Variants in ROS1 observed in about 807,000 individuals in gnomAD.
The protein encoded by ROS1 is proto-oncogene tyrosine-protein kinase ROS.
Under a neutral mutation model 273.5 loss-of-function variants are expected in ROS1, and 263 were observed. That is an observed-to-expected ratio of 0.96 (90% CI 0.87 to 1.06). The LOEUF is 1.06. Ranked by LOEUF, ROS1 falls within the 50% of genes least tolerant of loss-of-function variation. The pLI is 0.00. For synonymous variants in ROS1, 1,008 were observed against 954.1 expected (o/e 1.06, Z -1.04); for missense variants, 2,833 against 2,751.1 (o/e 1.03, Z -0.67).
In ROS1 at chr6:117,340,771, C is replaced by T. The variant is rs111590049; in HGVS notation, c.5061+364G>A. Among the ~76,000 whole-genome samples the T allele has an allele frequency of 6.7e-3, 1,019 of 152,142 alleles. 7 individuals carry two copies. Among genetic ancestry groups the T allele is most frequent in the African/African-American group, 0.023 (940 of 41,526 alleles). ...AAAATGATGAAAGAACATTTCTAAA[C>T]AAGGTTTTGGTTTTTTCTTTCTTCA... On this transcript the variant is annotated intron_variant, in intron 31 of 43. Transcript: ENST00000368507.
In ROS1 at chr6:117,365,741, C is replaced by A. The variant is rs2128661290; in HGVS notation, c.2798G>T (p.Gly933Val). Residue 933 changes from glycine to valine, a missense_variant and splice_region_variant, in exon 20 of 44, where the codon GGG becomes GTG. By Grantham distance (109) the Gly-to-Val change is moderately radical. Coordinates refer to ENST00000368507, the MANE Select transcript of ROS1 (RefSeq NM_001378902.1). ...AACCTTAGGGGTAAAGGAAAAGTTCCCTACAGGATGAAACAAAAAAAAGAA... is the reference window on the plus strand; with the variant it reads ...AACCTTAGGGGTAAAGGAAAAGTTCACTACAGGATGAAACAAAAAAAAGAA... ...IIQTSLKPLPGNFSFTPKVIP... is the reference protein window; with the variant it reads ...IIQTSLKPLPVNFSFTPKVIP... The A allele has an allele frequency of 6.5e-7, 1 of 1,542,774 alleles. No individual in the cohort carries two copies. Among genetic ancestry groups the A allele is most frequent in the South Asian group, 1.3e-5 (1 of 77,998 alleles).
In ROS1 at chr6:117,414,553, G is replaced by GA. The variant is rs3836983; in HGVS notation, c.229-9dup. Reference sequence around the variant, plus strand: ...GGTGGCATAAGTATCATTCTGCATAGAAAAAAAAAAAGACTACTTAAAATC... The same window carrying GA: ...GGTGGCATAAGTATCATTCTGCATAGAAAAAAAAAAAAGACTACTTAAAATC... On this transcript the variant is annotated splice_polypyrimidine_tract_variant and intron_variant, in intron 3 of 43. Transcript: ENST00000368507. 0.016 allele frequency: 8,888 copies of GA among 546,932 alleles called. 1 individual carries two copies. The highest frequency in any genetic ancestry group is 0.026 in the South Asian group (1,225 of 46,238). The allele number at this position is 546,932 out of a possible 1,614,324, so 33.9% of individuals were successfully genotyped here. A position where few individuals can be genotyped will look rare whatever the true frequency, so the allele number is the denominator to read the frequency against.
chr6:117,382,982 A>C (rs1772274521), intron 17 of ROS1, among the ~76,000 whole-genome samples: 1 of 152,170 alleles, frequency 6.6e-6, no homozygotes, highest in African/African-American at 2.4e-5. Flanking sequence ...AAGCTTCTAA[A>C]ATATTCAACA....
intron 43 of ROS1, among the ~76,000 whole-genome samples, chr6:117,297,420 T>C (rs891671647): frequency 3.1e-4 from 47 of 152,144 alleles, no homozygotes; most frequent in Non-Finnish European, 1.0e-4. Context: ...ATCAGTGGAA[T>C]AAACAGACAA....
intron 42 of ROS1, among the ~76,000 whole-genome samples, chr6:117,303,378 G>C (rs559649659): frequency 4.2e-4 from 64 of 152,300 alleles, no homozygotes; most frequent in African/African-American, 1.5e-3. Context: ...CTTACAGAAG[G>C]CCCCTCTCCA....
At chr6:117,385,254 T>C (rs1325221854) in intron 16 of ROS1, among the ~76,000 whole-genome samples, 1 of 152,176 alleles carries the variant, frequency 6.6e-6, no homozygotes, top group East Asian at 1.9e-4. Flanking sequence ...CAAAAAAACA[T>C]ATTTTAAAAG....
chr6:117,355,415 A>G (rs966835229), intron 26 of ROS1, among the ~76,000 whole-genome samples: 3 of 152,140 alleles, frequency 2.0e-5, no homozygotes, highest in African/African-American at 4.8e-5. Flanking sequence ...CCTATATACA[A>G]TTATAACACA....
At chr6:117,353,247 CTATAT>C (rs1235035918) in intron 26 of ROS1, 81 bp from the exon 27 acceptor site, 30 of 1,030,362 alleles carry the variant, frequency 2.9e-5, no homozygotes, top group Non-Finnish European at 3.7e-5. Context: ...GAAATTTTTT[CTATAT>C]TATAATTGCT....
intron 42 of ROS1, among the ~76,000 whole-genome samples, chr6:117,306,901 G>A (rs1384565522): frequency 6.6e-6 from 1 of 152,086 alleles, no homozygotes; most frequent in Non-Finnish European, 1.5e-5. Context: ...GAGTCCTGCA[G>A]CACTTGGAGG....
rs200988886 is a variant in ROS1, at chr6:117,389,729, G to C, written c.1407C>G (p.Ile469Met). The C allele has an allele frequency of 6.2e-7, 1 of 1,601,284 alleles. No homozygotes were observed. Among genetic ancestry groups the C allele is most frequent in the Admixed American group, 1.8e-5 (1 of 56,460 alleles). ...VESCTLKDFA[I>M]KPQAKRIIYF... ...AAATGATTCGCTTGGCTTGTGGCTT[G>C]ATTGCAAAGTCCTTTAACGTGCAAC... The change falls in exon 13 of 44, where the codon ATC becomes ATG. Residue 469 changes from isoleucine to methionine, a missense_variant. Ile to Met is a conservative substitution (Grantham distance 10). Transcript: ENST00000368507.
chr6:117,340,522 TAATC>T, intron 31 of ROS1, among the ~76,000 whole-genome samples: 1 of 152,302 alleles, frequency 6.6e-6, no homozygotes, highest in African/African-American at 2.4e-5. Context: ...AAAAAATTAA[TAATC>T]AATTTTGAGT....
chr6:117,356,765 C>A lies in ROS1; in HGVS notation c.3990G>T (p.Glu1330Asp), dbSNP rs779769013. The stretch of plus-strand genomic sequence containing the variant: ...TATCAATAGCCATTGCTCCACTTAA[C>A]TCAAATTCAGTCACATTACAAGAAC... ...NQCSCNVTEFELSGAMAIDTS... is the reference protein window; with the variant it reads ...NQCSCNVTEFDLSGAMAIDTS... The change falls in exon 26 of 44, where the codon GAG becomes GAT. Residue 1330 changes from glutamate (E) to aspartate (D), a missense_variant. Transcript: ENST00000368507. The A allele has an allele frequency of 6.2e-7, 1 of 1,614,138 alleles. No homozygotes were observed. The highest frequency in any genetic ancestry group is 8.5e-7 in the Non-Finnish European group (1 of 1,180,022).
At chr6:117,293,828 T>G (rs932359474) in intron 43 of ROS1, among the ~76,000 whole-genome samples, 1 of 152,152 alleles carries the variant, frequency 6.6e-6, no homozygotes, top group African/African-American at 2.4e-5. Flanking sequence ...TGTCAAAAAA[T>G]TTGAGCCTTA....
intron 26 of ROS1, among the ~76,000 whole-genome samples, chr6:117,354,813 A>C (rs2128640666): frequency 6.6e-6 from 1 of 152,384 alleles, no homozygotes; most frequent in South Asian, 2.1e-4. Context: ...AATGGTAAGA[A>C]AGACTTTAGT....
In ROS1 at chr6:117,288,576, T is replaced by G. The variant is rs779731708; in HGVS notation, c.6942A>C (p.Gln2314His). Residue 2314 changes from glutamine (Q) to histidine (H), a missense_variant, in exon 44 of 44, where the codon CAA becomes CAC. Physicochemically the swap from Gln to His is conservative, Grantham distance 24 (BLOSUM62 0). Coordinates refer to ENST00000368507, the MANE Select transcript of ROS1 (RefSeq NM_001378902.1). ...HADKDFCQEK[Q>H]VAYCPSGKPE... ...GCTTGCCAGAAGGGCAGTAAGCCAC[T>G]TGTTTTTCTTGGCAGAAATCTTTGT... 6.0e-5 allele frequency: 97 copies of G among 1,614,042 alleles called. No homozygotes were observed. Among genetic ancestry groups the G allele is most frequent in the Non-Finnish European group, 7.7e-5 (91 of 1,180,026 alleles).
intron 43 of ROS1, chr6:117,299,737 CAAG>C (rs1774534646): frequency 6.6e-6 from 1 of 152,282 alleles, no homozygotes; most frequent in African/African-American, 2.4e-5. Flanking sequence ...CTTTTAATAA[CAAG>C]AAGTTCTAGA....
chr6:117,301,111 G>A lies in ROS1; in HGVS notation c.6578C>T (p.Ala2193Val). ...DLWNLMTQCW[A>V]QEPDQRPTFH... is the part of the protein sequence containing the mutation. ...AGTAGGTCTTTGGTCGGGTTCTTGA[G>A]CCCAGCACTGGGTCATTAAATTCCA... Residue 2193 changes from alanine to valine, a missense_variant, in exon 43 of 44, where the codon GCT becomes GTT. Coordinates refer to ENST00000368507, the MANE Select transcript of ROS1 (RefSeq NM_001378902.1). 1 of 1,597,996 alleles carries A rather than the reference G, an allele frequency of 6.3e-7. No individual in the cohort carries two copies. Among genetic ancestry groups the A allele is most frequent in the Non-Finnish European group, 8.5e-7 (1 of 1,174,028 alleles).
intron 34 of ROS1, among the ~76,000 whole-genome samples, chr6:117,325,230 A>G (rs1776550207): frequency 6.6e-6 from 1 of 152,186 alleles, no homozygotes; most frequent in African/African-American, 2.4e-5. Flanking sequence ...AGCATCAGGT[A>G]AGCATTATGA....
intron 18 of ROS1, among the ~76,000 whole-genome samples, chr6:117,371,411 G>A (rs538437573): frequency 6.6e-6 from 1 of 152,112 alleles, no homozygotes; most frequent in Non-Finnish European, 1.5e-5. Context: ...GCAGCAGGAC[G>A]AGCCCTGTGG....
Sources: gnomAD v4.1 joint callset for allele counts (sites outside exome capture counted in the v4.1 genomes callset) on GRCh38, gnomAD v4.1.1 for gene constraint, MANE v1.5 for transcripts, NCBI Gene and HGNC (gene_info 2026-07-23, HGNC 2026-07-21) for gene names.